The following ODAD3 variants were observed in gnomAD, a reference collection of about 807,000 sequenced individuals.
The protein encoded by ODAD3 is outer dynein arm docking complex subunit 3.
Under a neutral mutation model 70.9 loss-of-function variants are expected in ODAD3, and 57 were observed. The observed-to-expected ratio is 0.80, with a 90% CI of 0.65 to 1.00. The LOEUF (loss-of-function observed/expected upper bound fraction) is 1.00. ODAD3 is among the 50% of genes least tolerant of loss of function. ODAD3 has a pLI of 0.00. For synonymous variants in ODAD3, 327 were observed against 315.9 expected (o/e 1.04, Z -0.37); for missense variants, 797 against 763.9 (o/e 1.04, Z -0.51).
chr19:11,426,742 T>C lies in ODAD3; in HGVS notation c.655A>G (p.Lys219Glu), dbSNP rs1202641988. ...GTAATGTGCTCGGCCTCCTGCGCCTTCATCTGGGCCTTCTCCAGGCGGTTC... is the reference window on the plus strand; with the variant it reads ...GTAATGTGCTCGGCCTCCTGCGCCTCCATCTGGGCCTTCTCCAGGCGGTTC... ...LENRLEKAQMKAQEAEHITSV... is the reference protein window; with the variant it reads ...LENRLEKAQMEAQEAEHITSV... The change falls in exon 5 of 13, where the codon AAG (lysine) becomes GAG (glutamate). Residue 219 changes from lysine (K) to glutamate (E), a missense_variant. Physicochemically the swap from Lys to Glu is moderately conservative, Grantham distance 56. Transcript: ENST00000356392. The C allele has an allele frequency of 6.2e-6, 10 of 1,613,810 alleles. No homozygotes were observed. Among genetic ancestry groups the C allele is most frequent in the South Asian group, 1.1e-5 (1 of 91,080 alleles).
At position 11,424,030 on chromosome 19, in the gene ODAD3, C is replaced by T. The variant is rs1480671731; in HGVS notation, c.964-1G>A. 5 of 1,607,012 alleles carry T rather than the reference C, an allele frequency of 3.1e-6. No individual in the cohort carries two copies. The Admixed American group carries it at 5.0e-5, about 16-fold the overall frequency. ...GTAGCAGCAGGTGCTCGCGGTGGGT[C>T]TGCTCGTGGGTTGAGGTCAGAGCCA... On this transcript the variant is annotated splice_acceptor_variant, in intron 7 of 12. Transcript: ENST00000356392. LOFTEE classifies it high-confidence loss of function.
intron 7 of ODAD3, among the ~76,000 whole-genome samples, chr19:11,425,053 G>GTATATA (rs1555722145): frequency 8.3e-6 from 1 of 120,206 alleles, no homozygotes; most frequent in African/African-American, 4.5e-5. Context: ...GTGTATATAT[G>GTATATA]TGTATATGTG....
Position 11,423,666 on chromosome 19 carries a change from T to C in ODAD3, c.1116+211A>G, listed in dbSNP as rs540752804. On this transcript the variant is annotated intron_variant, in intron 8 of 12. Transcript: ENST00000356392. The stretch of plus-strand genomic sequence containing the variant: ...AATGACGGCGAGTGTAGACAGCTCC[T>C]AGGGGTTTTGCTGCGAAGGGCAGCA... Among the ~76,000 whole-genome samples the C allele has an allele frequency of 4.1e-4, 62 of 152,092 alleles. No individual in the cohort carries two copies. The South Asian group carries it at 0.012, about 29-fold the overall frequency.
chr19:11,430,745 C>T lies in ODAD3; in HGVS notation c.398G>A (p.Arg133His), dbSNP rs112493796. Residue 133 changes from arginine (R) to histidine (H), a missense_variant, in exon 3 of 13, where the codon CGC becomes CAC. Coordinates refer to ENST00000356392, the MANE Select transcript of ODAD3 (RefSeq NM_145045.5). ...GDEKVVQAVI[R>H]EWKWEKPYLK... ...GTATGGCTTCTCCCACTTCCATTCG[C>T]GAATCACTGCCTGGACCACTTTCTC... is the stretch of plus-strand genomic sequence containing the variant. 524 of 1,614,008 alleles carry T rather than the reference C, an allele frequency of 3.2e-4. 2 individuals carry two copies. The African/African-American group carries it at 5.9e-3, about 18-fold the overall frequency.
Position 11,427,045 on chromosome 19 carries a change from C to T in ODAD3, c.445-5G>A, listed in dbSNP as rs1351572506. ...GTGGTCTAGGTGCTCCAGGGCCTGC[C>T]GCAAGGAGGGGAGCGAAAGCAGGAG... On this transcript the variant is annotated splice_region_variant and splice_polypyrimidine_tract_variant and intron_variant, in intron 3 of 12. Transcript: ENST00000356392. 6.4e-7 allele frequency: 1 copy of T among 1,573,362 alleles called. No homozygotes were observed.
Position 11,426,739 on chromosome 19 carries a change from C to A in ODAD3, c.658G>T (p.Ala220Ser). The change falls in exon 5 of 13, where the codon GCG (alanine) becomes TCG (serine). Residue 220 changes from alanine to serine, a missense_variant. Ala to Ser is a moderately conservative substitution (Grantham distance 99, BLOSUM62 1). Coordinates refer to ENST00000356392, the MANE Select transcript of ODAD3 (RefSeq NM_145045.5). ...CTGGTAATGTGCTCGGCCTCCTGCG[C>A]CTTCATCTGGGCCTTCTCCAGGCGG... ...ENRLEKAQMK[A>S]QEAEHITSVY... 1.9e-6 allele frequency: 3 copies of A among 1,613,954 alleles called. No individual in the cohort carries two copies. Among genetic ancestry groups the A allele is most frequent in the Non-Finnish European group, 2.5e-6 (3 of 1,179,902 alleles).
intron 1 of ODAD3, among the ~76,000 whole-genome samples, chr19:11,434,237 A>G (rs1599470831): frequency 2.2e-4 from 33 of 151,214 alleles, no homozygotes; most frequent in African/African-American, 3.6e-4. Flanking sequence ...AAAACAAAAA[A>G]AAACGCGGGT....
At chr19:11,431,562 G>C (rs964215439) in intron 1 of ODAD3, among the ~76,000 whole-genome samples, 7 of 151,398 alleles carry the variant, frequency 4.6e-5, no homozygotes. Flanking sequence ...AGGTAGAGGC[G>C]GGCGGATCAC....
At chr19:11,426,380 G>A in intron 6 of ODAD3, 66 bp downstream of exon 6, 2 of 1,611,250 alleles carry the variant, frequency 1.2e-6, no homozygotes, top group Non-Finnish European at 1.7e-6. Flanking sequence ...GACAGCTGAG[G>A]TCAGATTCTC....
At chr19:11,435,723 G>A (rs746837219), upstream of ODAD3, 1 of 1,333,178 alleles carries the variant, frequency 7.5e-7, no homozygotes, top group South Asian at 1.2e-5. Flanking sequence ...GTGAACGAGC[G>A]GGTGGGAGGG....
In ODAD3 at chr19:11,426,589, G is replaced by A. The variant is rs778650452; in HGVS notation, c.715-18C>T. 2 of 1,613,878 alleles carry A rather than the reference G, an allele frequency of 1.2e-6. No individual in the cohort carries two copies. The highest frequency in any genetic ancestry group is 3.3e-5 in the Admixed American group (2 of 59,988). On this transcript the variant is annotated intron_variant, in intron 5 of 12. Transcript: ENST00000356392. ...CTCTCGTCCTGGGGCGTGGTGGGGA[G>A]GGGTAGCGGAGATGGTGCAGGTCTG... is the stretch of plus-strand genomic sequence containing the variant.
At chr19:11,435,666 A>G (rs952380990), upstream of ODAD3, 26 of 1,297,452 alleles carry the variant, frequency 2.0e-5, no homozygotes, top group African/African-American at 3.0e-5. Flanking sequence ...GCTGCTGGAC[A>G]AGAGGGGTGC....
intron 1 of ODAD3, 88 bp from the exon 2 acceptor site, chr19:11,431,108 A>G: frequency 6.6e-7 from 1 of 1,509,850 alleles, no homozygotes; most frequent in Non-Finnish European, 8.9e-7. Flanking sequence ...TTTTGCAATC[A>G]TCAACTTTTT....
upstream of ODAD3, chr19:11,435,183 G>GTC: frequency 7.0e-7 from 1 of 1,429,130 alleles, no homozygotes; most frequent in Non-Finnish European, 9.1e-7. Context: ...CCGCCTCCCC[G>GTC]TCTCTCTCCA....
In ODAD3 at chr19:11,420,650, C is replaced by A; in HGVS notation, c.*185G>T. ...GCGCAACTCTGAGGCCGGGGCGGACCCAGCTGGGGAGATTTACTGTGGGAA... is the reference window on the plus strand; with the variant it reads ...GCGCAACTCTGAGGCCGGGGCGGACACAGCTGGGGAGATTTACTGTGGGAA... On this transcript the variant is annotated 3_prime_UTR_variant, in exon 13 of 13. Transcript: ENST00000356392. 1 of 602,432 alleles carries A rather than the reference C, an allele frequency of 1.7e-6. No homozygotes were observed. The highest frequency in any genetic ancestry group is 2.9e-6 in the Non-Finnish European group (1 of 339,506). 37.3% of individuals were successfully genotyped at this position (602,432 alleles called of 1,614,324 possible). A position where few individuals can be genotyped will look rare whatever the true frequency, so the allele number is the denominator to read the frequency against.
In ODAD3 at chr19:11,422,335, G is replaced by A. The variant is rs981849985; in HGVS notation, c.1434+136C>T. The A allele has an allele frequency of 5.5e-6, 6 of 1,092,722 alleles. No individual in the cohort carries two copies. The highest frequency in any genetic ancestry group is 1.6e-5 in the African/African-American group (1 of 62,642). The allele number at this position is 1,092,722 out of a possible 1,614,324, so 67.7% of individuals were successfully genotyped here. ...GGGTGGGGCTTCCCCTGTGGGCGGG[G>A]CCTCTGACGTCCGGGACAGAGGATG... On this transcript the variant is annotated intron_variant, in intron 10 of 12. Transcript: ENST00000356392. This position sits in a 1 kb window ranked among gnomAD's most constrained non-coding sequence, Gnocchi z 4.6.
At chr19:11,423,638 A>G (rs1969193010) in intron 8 of ODAD3, among the ~76,000 whole-genome samples, 3 of 152,182 alleles carry the variant, frequency 2.0e-5, no homozygotes. Flanking sequence ...AGGCGAGTGT[A>G]GAAATGACGG....
rs1969336801 is a variant in ODAD3, at chr19:11,425,543, GTATGTA to G, written c.963+595_963+600del. Among the ~76,000 whole-genome samples the G allele has an allele frequency of 8.7e-3, 1,153 of 133,188 alleles. 14 individuals carry two copies. Among genetic ancestry groups the G allele is most frequent in the East Asian group, 0.014 (71 of 4,918 alleles). 87.4% of individuals were successfully genotyped at this position (133,188 alleles called of 152,430 possible). On this transcript the variant is annotated intron_variant, in intron 7 of 12. Coordinates refer to ENST00000356392, the MANE Select transcript of ODAD3 (RefSeq NM_145045.5). Reference sequence around the variant, plus strand: ...TGTATATATGTATATATGTGTGTATGTATGTATATATGTATATATGTGTGTATGTAT... The same window carrying G: ...TGTATATATGTATATATGTGTGTATGTATATGTATATATGTGTGTATGTAT...
Position 11,422,577 on chromosome 19 carries a change from C to T in ODAD3, c.1328G>A (p.Arg443Gln), listed in dbSNP as rs781583333. 3 of 1,592,750 alleles carry T rather than the reference C, an allele frequency of 1.9e-6. No homozygotes were observed. Among genetic ancestry groups the T allele is most frequent in the Non-Finnish European group, 2.6e-6 (3 of 1,172,028 alleles). The change falls in exon 10 of 13, where the codon CGG becomes CAG. Residue 443 changes from arginine to glutamine, a missense_variant. By Grantham distance (43) the Arg-to-Gln change is conservative. Transcript: ENST00000356392. This position sits in a 1 kb window ranked among gnomAD's most constrained non-coding sequence, Gnocchi z 4.6. ...CTGGTCCTTGGCCTCGGCGTGCCGC[C>T]GCTCCTCCTTCTTGAGACGCTCCTG... Reference protein sequence around the residue: ...EAQERLKKEERRHAEAKDQLE... With the variant: ...EAQERLKKEEQRHAEAKDQLE...
Sources: allele counts gnomAD v4.1 joint callset (sites outside exome capture counted in the v4.1 genomes callset), GRCh38; gene constraint gnomAD v4.1.1; non-coding constraint Gnocchi (gnomAD v3.1); transcripts MANE v1.5; gene names NCBI Gene and HGNC (gene_info 2026-07-23, HGNC 2026-07-21).